DOCK3: variants seen among roughly 807,000 people sequenced by gnomAD.
The protein encoded by DOCK3 is dedicator of cytokinesis protein 3.
A neutral mutation model predicts 265.6 loss-of-function variants in DOCK3; 60 were observed. The observed-to-expected ratio is 0.23, with a 90% CI of 0.18 to 0.28. The LOEUF (loss-of-function observed/expected upper bound fraction) is 0.28. Ranked by LOEUF, DOCK3 falls within the 10% of genes least tolerant of loss-of-function variation. The pLI is 1.00. For missense variants in DOCK3, 1,981 were observed against 2,594.3 expected (o/e 0.76, Z 5.14); for synonymous variants, 881 against 938.0 (o/e 0.94, Z 1.11).
intron 1 of DOCK3, among the ~76,000 whole-genome samples, chr3:50,776,612 A>T (rs371903641): frequency 6.6e-6 from 1 of 151,616 alleles, no homozygotes; most frequent in African/African-American, 2.4e-5. Context: ...TTTTTGTTGC[A>T]TTTGCCTTTG....
At chr3:51,320,607 G>C (rs544897155) in intron 32 of DOCK3, among the ~76,000 whole-genome samples, 1 of 152,156 alleles carries the variant, frequency 6.6e-6, no homozygotes, top group African/African-American at 2.4e-5. Flanking sequence ...ACAGCAGTCC[G>C]AGGTCGACCT....
At chr3:51,233,358 C>CTATT (rs771753831) in intron 19 of DOCK3, among the ~76,000 whole-genome samples, 70 of 61,168 alleles carry the variant, frequency 1.1e-3, no homozygotes, top group East Asian at 2.9e-3. Flanking sequence ...ATCTATCTAT[C>CTATT]TATTTATTTA....
intron 12 of DOCK3, among the ~76,000 whole-genome samples, chr3:51,196,382 C>T (rs532694425): frequency 3.0e-4 from 45 of 152,236 alleles, no homozygotes; most frequent in African/African-American, 1.0e-3. Context: ...GCTGTGGAGA[C>T]GACCTTTTTG....
At chr3:50,791,622 G>A (rs2042483776) in intron 2 of DOCK3, among the ~76,000 whole-genome samples, 1 of 152,098 alleles carries the variant, frequency 6.6e-6, no homozygotes, top group Non-Finnish European at 1.5e-5. Flanking sequence ...TGTAAGGAAG[G>A]GGTCCAGTTT....
At chr3:51,201,814 C>T (rs577783797) in intron 12 of DOCK3, among the ~76,000 whole-genome samples, 2 of 152,214 alleles carry the variant, frequency 1.3e-5, no homozygotes, top group Admixed American at 6.5e-5. Context: ...GAAATTATAA[C>T]AAACTGTCTC....
chr3:51,338,873 G>T (rs2085049762), intron 36 of DOCK3, 62 bp from the exon 37 acceptor site: 1 of 1,417,896 alleles, frequency 7.1e-7, no homozygotes, highest in East Asian at 2.5e-5. Flanking sequence ...ATGGCCAGCT[G>T]CCCAGAGCTT....
Position 51,021,661 on chromosome 3 carries a change from C to CTTTTTTTT in DOCK3, c.316-42782_316-42775dup, listed in dbSNP as rs61097732. On this transcript the variant is annotated intron_variant, in intron 5 of 52. Coordinates refer to ENST00000266037, the MANE Select transcript of DOCK3 (RefSeq NM_004947.5). ...AATAGATAATTTCTGGGAGAACTTC[C>CTTTTTTTT]TTTTTTTTTTTTCTTTTTGAGACGG... Among the ~76,000 whole-genome samples, 21 of 142,824 alleles carry CTTTTTTTT rather than the reference C, an allele frequency of 1.5e-4. 1 individual carries two copies. The highest frequency in any genetic ancestry group is 2.6e-4 in the Non-Finnish European group (17 of 66,494). The allele number at this position is 142,824 out of a possible 152,430, so 93.7% of individuals were successfully genotyped here. A position where few individuals can be genotyped will look rare whatever the true frequency, so the allele number is the denominator to read the frequency against.
chr3:51,047,926 TAAAAG>T (rs1408752796), intron 5 of DOCK3, among the ~76,000 whole-genome samples: 1 of 151,922 alleles, frequency 6.6e-6, no homozygotes, highest in African/African-American at 2.4e-5. Flanking sequence ...ACAAAGACGC[TAAAAG>T]AAAAGATAAC....
chr3:50,789,246 A>T (rs912592612), intron 2 of DOCK3, among the ~76,000 whole-genome samples: 1 of 152,222 alleles, frequency 6.6e-6, no homozygotes, highest in Non-Finnish European at 1.5e-5. Context: ...CCCAATGATC[A>T]TTCAGCAGCA....
At chr3:51,053,100 T>G (rs1323556256) in intron 5 of DOCK3, among the ~76,000 whole-genome samples, 3 of 94,710 alleles carry the variant, frequency 3.2e-5, no homozygotes, top group African/African-American at 7.0e-5. Context: ...TATATATATA[T>G]ATATATATAT....
intron 32 of DOCK3, among the ~76,000 whole-genome samples, chr3:51,319,857 C>T (rs780146718): frequency 1.0e-4 from 8 of 77,050 alleles, no homozygotes; most frequent in Non-Finnish European, 2.4e-4. Flanking sequence ...GAGCGAGACT[C>T]CATCTCAAAA....
At chr3:51,065,320 G>A (rs555739011) in intron 6 of DOCK3, among the ~76,000 whole-genome samples, 2 of 152,200 alleles carry the variant, frequency 1.3e-5, no homozygotes, top group Admixed American at 1.3e-4. Context: ...TATACCTTAA[G>A]TATATTTATA....
intron 12 of DOCK3, among the ~76,000 whole-genome samples, chr3:51,177,785 G>A (rs1337766446): frequency 1.3e-5 from 2 of 152,152 alleles, no homozygotes; most frequent in East Asian, 3.9e-4. Flanking sequence ...GAGGTCAGGA[G>A]TTCCAGACCA....
intron 23 of DOCK3, among the ~76,000 whole-genome samples, chr3:51,263,643 A>C (rs56940802): frequency 6.6e-6 from 1 of 152,188 alleles, no homozygotes; most frequent in Admixed American, 6.5e-5. Flanking sequence ...ATAAAGAGTC[A>C]AGACCCATCA....
intron 31 of DOCK3, 104 bp downstream of exon 31, chr3:51,313,006 C>T: frequency 1.9e-6 from 2 of 1,054,526 alleles, no homozygotes; most frequent in East Asian, 2.6e-5. Context: ...TAATTCAGGC[C>T]CAAGAGATCC....
intron 12 of DOCK3, among the ~76,000 whole-genome samples, chr3:51,192,769 C>A (rs6784455): frequency 0.82 from 124,826 of 151,912 alleles, 51,869 homozygotes; most frequent in Middle Eastern, 0.9. Flanking sequence ...GTGCAGGAGT[C>A]AGGTGCCCAG....
At chr3:51,333,631 C>A (rs532543741) in intron 35 of DOCK3, among the ~76,000 whole-genome samples, 1 of 152,142 alleles carries the variant, frequency 6.6e-6, no homozygotes, top group Non-Finnish European at 1.5e-5. Context: ...AGTGCAGACC[C>A]TCCTCAGAAC....
rs138344229 is a variant in DOCK3, at chr3:51,044,222, A to G, written c.316-20226A>G. ...ATTGGATAAAGAAAATGTGGTGCAT[A>G]TATACCGTGGAATACTATGCAGCCA... On this transcript the variant is annotated intron_variant, in intron 5 of 52. Transcript: ENST00000266037. Among the ~76,000 whole-genome samples, 1,336 of 152,334 alleles carry G rather than the reference A, an allele frequency of 8.8e-3. 25 individuals carry two copies. The highest frequency in any genetic ancestry group is 0.029 in the African/African-American group (1,191 of 41,572).
chr3:51,093,966 A>G (rs1051586274), intron 9 of DOCK3, among the ~76,000 whole-genome samples: 3 of 152,210 alleles, frequency 2.0e-5, no homozygotes, highest in African/African-American at 7.2e-5. Context: ...GTGATGGATT[A>G]CGTTTATTGA....
Sources: allele counts gnomAD v4.1 joint callset (sites outside exome capture counted in the v4.1 genomes callset), GRCh38; gene constraint gnomAD v4.1.1; transcripts MANE v1.5; gene names NCBI Gene and HGNC (gene_info 2026-07-23, HGNC 2026-07-21).